Variants in ATP2B2 observed in about 807,000 individuals in gnomAD.
The protein encoded by ATP2B2 is plasma membrane calcium-transporting ATPase 2.
ATP2B2 carries 15 observed loss-of-function variants against 120.0 expected under a neutral mutation model. That is an observed-to-expected ratio of 0.12 (90% CI 0.08 to 0.19). The LOEUF is 0.19. Among genes scored for constraint, ATP2B2 ranks in the 10% least tolerant of loss-of-function variants. The pLI is 1.00. For synonymous variants in ATP2B2, 694 were observed against 700.3 expected (o/e 0.99, Z 0.14); for missense variants, 1,045 against 1,719.8 (o/e 0.61, Z 6.94).
chr3:10,703,660 T>G (rs1422185480), intron 1 of ATP2B2, among the ~76,000 whole-genome samples: 1 of 152,176 alleles, frequency 6.6e-6, no homozygotes, highest in South Asian at 2.1e-4. Context: ...TCTCTTCGAG[T>G]CTCAGTTTCC....
intron 1 of ATP2B2, among the ~76,000 whole-genome samples, chr3:10,700,786 G>A (rs534819135): frequency 6.6e-6 from 1 of 152,314 alleles, no homozygotes; most frequent in African/African-American, 2.4e-5. Flanking sequence ...TGTCCATCAT[G>A]GGTTGGCTGT....
At chr3:10,531,813 C>A (rs2067215880) in intron 3 of ATP2B2, among the ~76,000 whole-genome samples, 1 of 152,162 alleles carries the variant, frequency 6.6e-6, no homozygotes, top group Non-Finnish European at 1.5e-5. Flanking sequence ...CTCCTAGGCA[C>A]TGAGATGATT....
At chr3:10,447,657 T>C (rs1209660207) in intron 2 of ATP2B2, among the ~76,000 whole-genome samples, 1 of 152,206 alleles carries the variant, frequency 6.6e-6, no homozygotes, top group Non-Finnish European at 1.5e-5. Flanking sequence ...AGCGTCCTCA[T>C]GTGCCAACCT....
chr3:10,621,832 C>T (rs2069558902), intron 1 of ATP2B2, among the ~76,000 whole-genome samples: 1 of 152,228 alleles, frequency 6.6e-6, no homozygotes, highest in African/African-American at 2.4e-5. Context: ...GCACTCACAG[C>T]ACAGAAGTAA....
At chr3:10,481,336 C>T (rs1282836823) in intron 1 of ATP2B2, among the ~76,000 whole-genome samples, 2 of 151,824 alleles carry the variant, frequency 1.3e-5, no homozygotes, top group Non-Finnish European at 2.9e-5. Context: ...TTCTGCGGCA[C>T]ACCAGCATAC....
intron 3 of ATP2B2, among the ~76,000 whole-genome samples, chr3:10,529,604 T>C (rs1367116678): frequency 3.9e-5 from 6 of 152,176 alleles, no homozygotes; most frequent in Non-Finnish European, 4.4e-5. Flanking sequence ...TTAAATATCA[T>C]GAAAGAACTG....
chr3:10,387,410 A>G (rs1330554136), intron 6 of ATP2B2, among the ~76,000 whole-genome samples: 7 of 152,218 alleles, frequency 4.6e-5, no homozygotes, highest in African/African-American at 1.7e-4. Flanking sequence ...TGGGGGAGGC[A>G]TCTGTCCTCT....
At chr3:10,595,968 A>G (rs1311024478) in intron 2 of ATP2B2, among the ~76,000 whole-genome samples, 1 of 151,924 alleles carries the variant, frequency 6.6e-6, no homozygotes, top group African/African-American at 2.4e-5. Flanking sequence ...TTCATTCCCA[A>G]CTTGGCACTT....
chr3:10,651,351 C>A (rs1174015132), intron 1 of ATP2B2, among the ~76,000 whole-genome samples: 2 of 152,082 alleles, frequency 1.3e-5, no homozygotes, highest in Non-Finnish European at 2.9e-5. Flanking sequence ...ATCATGGGGG[C>A]AGGTCTTTCC....
intron 1 of ATP2B2, among the ~76,000 whole-genome samples, chr3:10,677,937 A>T (rs2071284412): frequency 6.6e-6 from 1 of 152,182 alleles, no homozygotes; most frequent in Non-Finnish European, 1.5e-5. Context: ...CTTCTCCCAC[A>T]GCCCTAGGAA....
At chr3:10,622,297 G>A (rs576112779) in intron 1 of ATP2B2, among the ~76,000 whole-genome samples, 1 of 152,166 alleles carries the variant, frequency 6.6e-6, no homozygotes, top group Non-Finnish European at 1.5e-5. Flanking sequence ...GTCCTCACTA[G>A]TGAATTTTTA....
intron 2 of ATP2B2, among the ~76,000 whole-genome samples, chr3:10,437,633 T>C (rs2063520252): frequency 6.6e-6 from 1 of 152,232 alleles, no homozygotes. Context: ...GTCCCCACTT[T>C]ACAGAAGCGA....
chr3:10,505,368 A>G (rs2125421355), intron 1 of ATP2B2, 97 bp downstream of exon 1: 1 of 152,352 alleles, frequency 6.6e-6, no homozygotes, highest in Non-Finnish European at 1.5e-5. Context: ...AATCAAATGA[A>G]ATGAAACAAA....
intron 22 of ATP2B2, among the ~76,000 whole-genome samples, chr3:10,336,583 G>T (rs905419243): frequency 6.6e-6 from 1 of 152,166 alleles, no homozygotes; most frequent in African/African-American, 2.4e-5. Flanking sequence ...GGGAGGCAGT[G>T]ATTAAACATG....
Position 10,346,566 on chromosome 3 carries a change from G to C in ATP2B2, c.2405-429C>G, listed in dbSNP as rs2060438205. Among the ~76,000 whole-genome samples the C allele has an allele frequency of 6.6e-6, 1 of 152,236 alleles. No individual in the cohort carries two copies. The highest frequency in any genetic ancestry group is 1.5e-5 in the Non-Finnish European group (1 of 68,046). ...CAGCACTTTCTCCCTGGGGAGTCCA[G>C]GCTTGCTGAGGAGGCCTTGGCTTTG... On this transcript the variant is annotated intron_variant, in intron 16 of 22. Coordinates refer to ENST00000360273, the MANE Select transcript of ATP2B2 (RefSeq NM_001001331.4). The surrounding 1 kb of genome is among the most constrained non-coding windows in gnomAD (Gnocchi z 4.1).
chr3:10,436,572 C>G (rs2063486275), intron 2 of ATP2B2, among the ~76,000 whole-genome samples: 1 of 152,230 alleles, frequency 6.6e-6, no homozygotes, highest in Admixed American at 6.5e-5. Context: ...TTTTCCCAAC[C>G]TGCAGTTCCC....
intron 3 of ATP2B2, among the ~76,000 whole-genome samples, chr3:10,527,142 C>G (rs2067113138): frequency 6.6e-6 from 1 of 152,238 alleles, no homozygotes; most frequent in South Asian, 2.1e-4. Context: ...ATTTGCACCT[C>G]TGAGCTGGGC....
chr3:10,697,277 C>A (rs894428954), intron 1 of ATP2B2, among the ~76,000 whole-genome samples: 1 of 152,186 alleles, frequency 6.6e-6, no homozygotes, highest in Non-Finnish European at 1.5e-5. Context: ...GAATAGTCAT[C>A]ACAGCCCCTT....
intron 1 of ATP2B2, among the ~76,000 whole-genome samples, chr3:10,656,342 GA>G (rs1285263817): frequency 6.6e-6 from 1 of 152,130 alleles, no homozygotes; most frequent in Non-Finnish European, 1.5e-5. Context: ...CCCATTTCAG[GA>G]TTGACAGCCA....
Sources: allele counts gnomAD v4.1 joint callset (sites outside exome capture counted in the v4.1 genomes callset), GRCh38; gene constraint gnomAD v4.1.1; non-coding constraint Gnocchi (gnomAD v3.1); transcripts MANE v1.5; gene names NCBI Gene and HGNC (gene_info 2026-07-23, HGNC 2026-07-21).